Variants in GALNT1 observed in about 807,000 individuals in gnomAD.
GALNT1 encodes polypeptide N-acetylgalactosaminyltransferase 1.
In GALNT1, 17 loss-of-function variants were observed where a neutral mutation model predicts 65.7. The observed-to-expected ratio is 0.26, with a 90% confidence interval of 0.18 to 0.39. The LOEUF is 0.39. GALNT1 is among the 10% of genes least tolerant of loss of function. The pLI is 1.00. For missense variants in GALNT1, 460 were observed against 672.8 expected (o/e 0.68, Z 3.50); for synonymous variants, 210 against 219.7 (o/e 0.96, Z 0.39).
intron 1 of GALNT1, among the ~76,000 whole-genome samples, chr18:35,613,044 G>C (rs1200482258): frequency 6.6e-6 from 1 of 152,090 alleles, no homozygotes; most frequent in Admixed American, 6.5e-5. Flanking sequence ...TCTCCACCAG[G>C]CACTCATGGT....
chr18:35,658,953 G>T (rs2047437459), intron 2 of GALNT1, among the ~76,000 whole-genome samples: 1 of 152,036 alleles, frequency 6.6e-6, no homozygotes, highest in Non-Finnish European at 1.5e-5. Flanking sequence ...CAGGTGATCT[G>T]CCTGTTTCAG....
intron 9 of GALNT1, among the ~76,000 whole-genome samples, chr18:35,701,840 T>C (rs2048169293): frequency 6.6e-6 from 1 of 152,168 alleles, no homozygotes; most frequent in Non-Finnish European, 1.5e-5. Context: ...GTTTGAGATT[T>C]TGGTGGAATA....
At chr18:35,692,571 T>G (rs966234016) in intron 9 of GALNT1, among the ~76,000 whole-genome samples, 4 of 152,064 alleles carry the variant, frequency 2.6e-5, no homozygotes, top group Non-Finnish European at 5.9e-5. Context: ...TGGGGTCTGT[T>G]TTTCCCTATT....
chr18:35,601,188 C>T (rs886693951), intron 1 of GALNT1, among the ~76,000 whole-genome samples: 5 of 151,910 alleles, frequency 3.3e-5, no homozygotes, highest in South Asian at 2.1e-4. Flanking sequence ...CTTATGTGTT[C>T]AGGAATTTAT....
chr18:35,653,553 A>G (rs922548223), intron 1 of GALNT1, among the ~76,000 whole-genome samples: 4 of 152,192 alleles, frequency 2.6e-5, no homozygotes, highest in Admixed American at 1.3e-4. Flanking sequence ...ACTCCACTTC[A>G]TAGGAATGCA....
At chr18:35,653,303 T>A (rs2047334294) in intron 1 of GALNT1, among the ~76,000 whole-genome samples, 2 of 152,210 alleles carry the variant, frequency 1.3e-5, no homozygotes, top group African/African-American at 4.8e-5. Flanking sequence ...TCACTTAGTG[T>A]TTTCTCAGGT....
chr18:35,689,125 T>C, intron 6 of GALNT1, 48 bp from the exon 7 acceptor site: 1 of 1,210,664 alleles, frequency 8.3e-7, no homozygotes, highest in South Asian at 1.2e-5. Flanking sequence ...AAAAACTGAT[T>C]GATTGTAAAT....
intron 3 of GALNT1, among the ~76,000 whole-genome samples, chr18:35,666,513 A>G (rs1426010677): frequency 6.6e-6 from 1 of 152,226 alleles, no homozygotes; most frequent in South Asian, 2.1e-4. Flanking sequence ...AAGAGCCTCA[A>G]TCAACTATTA....
chr18:35,663,610 G>A lies in GALNT1; in HGVS notation c.140-18G>A. The A allele has an allele frequency of 6.3e-7, 1 of 1,586,618 alleles. No homozygotes were observed. Among genetic ancestry groups the A allele is most frequent in the South Asian group, 1.1e-5 (1 of 87,390 alleles). On this transcript the variant is annotated intron_variant, in intron 2 of 11. Transcript: ENST00000269195. ...TTGCTATGAAATTAATGTTAGTTAA[G>A]TTTCTTCCTATTCTTAGTTCTAGAG...
intron 11 of GALNT1, among the ~76,000 whole-genome samples, chr18:35,706,496 C>T (rs527703598): frequency 2.0e-5 from 3 of 150,494 alleles, no homozygotes; most frequent in East Asian, 2.0e-4. Context: ...AGTGAGACTC[C>T]ATCTCAAAAA....
At chr18:35,601,033 T>C (rs925286776) in intron 1 of GALNT1, among the ~76,000 whole-genome samples, 4 of 152,186 alleles carry the variant, frequency 2.6e-5, no homozygotes, top group African/African-American at 9.6e-5. Context: ...GTTCATCTTT[T>C]AAGTGTTTGG....
chr18:35,683,210 G>A (rs1321742117), intron 4 of GALNT1, among the ~76,000 whole-genome samples, 181 bp from the exon 5 acceptor site: 1 of 152,174 alleles, frequency 6.6e-6, no homozygotes, highest in Non-Finnish European at 1.5e-5. Flanking sequence ...AGAGGCAGCT[G>A]TAGTCCATTC....
Position 35,683,057 on chromosome 18 carries a change from G to GCTTT in GALNT1, c.482-329_482-326dup, listed in dbSNP as rs200357650. Among the ~76,000 whole-genome samples, 6 of 152,020 alleles carry GCTTT rather than the reference G, an allele frequency of 3.9e-5. No homozygotes were observed. In the East Asian group the frequency reaches 9.6e-4, roughly 24 times the overall value. The stretch of plus-strand genomic sequence containing the variant: ...CTCTCTGTTGAGGTCTGGATTTAAT[G>GCTTT]CTTTCTTTGTATTGCTGATCCTTAA... On this transcript the variant is annotated intron_variant, in intron 4 of 11. Coordinates refer to ENST00000269195, the MANE Select transcript of GALNT1 (RefSeq NM_020474.4).
At chr18:35,629,917 A>G (rs1227435027) in intron 1 of GALNT1, among the ~76,000 whole-genome samples, 1 of 152,220 alleles carries the variant, frequency 6.6e-6, no homozygotes, top group African/African-American at 2.4e-5. Flanking sequence ...CTAGTTTCTG[A>G]TAAGTCAGAC....
chr18:35,630,586 C>T (rs912171307), intron 1 of GALNT1, among the ~76,000 whole-genome samples: 53 of 152,096 alleles, frequency 3.5e-4, no homozygotes, highest in African/African-American at 1.3e-3. Context: ...CACTAAATGC[C>T]CACAAGAGAA....
intron 1 of GALNT1, among the ~76,000 whole-genome samples, chr18:35,607,490 A>G (rs192412707): frequency 1.3e-5 from 2 of 152,202 alleles, no homozygotes; most frequent in Admixed American, 1.3e-4. Context: ...GGGTGTTGGT[A>G]CTAGTTACAT....
intron 1 of GALNT1, among the ~76,000 whole-genome samples, chr18:35,601,121 T>C (rs1313708915): frequency 6.6e-6 from 1 of 152,090 alleles, no homozygotes; most frequent in East Asian, 1.9e-4. Context: ...TTAATCTTGT[T>C]ACTTTTGATT....
At chr18:35,620,112 T>C (rs530320040) in intron 1 of GALNT1, among the ~76,000 whole-genome samples, 1 of 152,296 alleles carries the variant, frequency 6.6e-6, no homozygotes, top group East Asian at 1.9e-4. Context: ...GGCAGCTATG[T>C]GGTCAGCAAA....
chr18:35,703,631 G>T lies in GALNT1; in HGVS notation c.1521G>T (p.Glu507Asp). 1 of 1,613,950 alleles carries T rather than the reference G, an allele frequency of 6.2e-7. No homozygotes were observed. Among genetic ancestry groups the T allele is most frequent in the Middle Eastern group, 1.7e-4 (1 of 6,060 alleles). ...ACCTAAAAGGCAACCAACTCTGGGAGTATGACCCAGTGGTAAGTTATGCAG... is the reference window on the plus strand; with the variant it reads ...ACCTAAAAGGCAACCAACTCTGGGATTATGACCCAGTGGTAAGTTATGCAG... ...CHHLKGNQLW[E>D]YDPVKLTLQH... is the part of the protein sequence containing the mutation. The change falls in exon 11 of 12, where the codon GAG becomes GAT. Residue 507 changes from glutamate to aspartate, a missense_variant. Coordinates refer to ENST00000269195, the MANE Select transcript of GALNT1 (RefSeq NM_020474.4).
Sources: allele counts gnomAD v4.1 joint callset (sites outside exome capture counted in the v4.1 genomes callset), GRCh38; gene constraint gnomAD v4.1.1; transcripts MANE v1.5; gene names NCBI Gene and HGNC (gene_info 2026-07-23, HGNC 2026-07-21).